PCSK5: variants seen among roughly 807,000 people sequenced by gnomAD.
PCSK5 encodes proprotein convertase subtilisin/kexin type 5, also known as prohormone convertase 5.
Under a neutral mutation model 233.2 loss-of-function variants are expected in PCSK5, and 129 were observed. The observed-to-expected ratio is 0.55, with a 90% CI of 0.48 to 0.64. The LOEUF (loss-of-function observed/expected upper bound fraction) is 0.64, where lower values mean the gene tolerates loss of function less well. Among genes scored for constraint, PCSK5 ranks in the 30% least tolerant of loss-of-function variants. The pLI is 0.00. For missense variants in PCSK5, 2,076 were observed against 2,430.1 expected (o/e 0.85, Z 3.06); for synonymous variants, 825 against 879.2 (o/e 0.94, Z 1.09).
At chr9:76,301,525 C>A (rs1006484165) in intron 27 of PCSK5, among the ~76,000 whole-genome samples, 1 of 152,136 alleles carries the variant, frequency 6.6e-6, no homozygotes, top group African/African-American at 2.4e-5. Flanking sequence ...ACCATCCATA[C>A]AAATAAATAT....
chr9:76,179,787 C>A, intron 15 of PCSK5, 89 bp downstream of exon 15: 1 of 853,732 alleles, frequency 1.2e-6, no homozygotes. Context: ...TGTGTGCAGG[C>A]CACTGGCATC....
chr9:76,333,886 A>G (rs1690912543), intron 34 of PCSK5, among the ~76,000 whole-genome samples: 1 of 152,200 alleles, frequency 6.6e-6, no homozygotes, highest in African/African-American at 2.4e-5. Flanking sequence ...CATGATGAGT[A>G]CTTTGTATGT....
At position 76,077,637 on chromosome 9, in the gene PCSK5, A is replaced by G. The variant is rs142207790; in HGVS notation, c.894+5739A>G. Among the ~76,000 whole-genome samples, 5 of 152,230 alleles carry G rather than the reference A, an allele frequency of 3.3e-5. No individual in the cohort carries two copies. In the East Asian group the frequency reaches 9.7e-4, roughly 29 times the overall value. On this transcript the variant is annotated intron_variant, in intron 7 of 37. Transcript: ENST00000674117. ...AGTACCTAATGTTTAGCTCCCACTT[A>G]TAAGTGAGAGCATGCAGTATTTGAT...
intron 14 of PCSK5, among the ~76,000 whole-genome samples, chr9:76,178,873 A>AT (rs902109842): frequency 1.3e-4 from 20 of 151,548 alleles, no homozygotes; most frequent in South Asian, 8.4e-4. Context: ...TCTTTCTGGC[A>AT]TTTTTTTTTC....
chr9:76,294,240 T>G (rs1020583258), intron 25 of PCSK5, among the ~76,000 whole-genome samples: 23 of 151,776 alleles, frequency 1.5e-4, no homozygotes, highest in Non-Finnish European at 4.4e-5. Flanking sequence ...TGCAAAGGTT[T>G]CCCCTGATAT....
intron 11 of PCSK5, among the ~76,000 whole-genome samples, chr9:76,158,293 C>T (rs12236697): frequency 0.24 from 36,542 of 152,048 alleles, 4,634 homozygotes; most frequent in Admixed American, 0.33. Context: ...AAGCTTTGAC[C>T]TTGAAGGAAG....
chr9:76,189,838 C>A, intron 20 of PCSK5, 92 bp downstream of exon 20: 1 of 676,662 alleles, frequency 1.5e-6, no homozygotes, highest in Non-Finnish European at 2.6e-6. Flanking sequence ...AAGAAACTCA[C>A]AGCATGCATC....
Position 76,311,789 on chromosome 9 carries a change from C to T in PCSK5, c.3884+938C>T, listed in dbSNP as rs10119312. On this transcript the variant is annotated intron_variant, in intron 30 of 37. Transcript: ENST00000674117. ...ATCACAAAGTCTGGTTTTTCTGTTTCGCTCTTGTACCTTCCTTAGCTCATC... is the reference window on the plus strand; with the variant it reads ...ATCACAAAGTCTGGTTTTTCTGTTTTGCTCTTGTACCTTCCTTAGCTCATC... 5.9e-3 allele frequency among the ~76,000 whole-genome samples: 897 copies of T among 152,298 alleles called. 12 individuals are homozygous for T. The highest frequency in any genetic ancestry group is 0.02 in the African/African-American group (842 of 41,552).
intron 20 of PCSK5, among the ~76,000 whole-genome samples, chr9:76,214,196 C>A (rs1825434739): frequency 6.6e-6 from 1 of 152,014 alleles, no homozygotes; most frequent in Non-Finnish European, 1.5e-5. Flanking sequence ...TTCCAACACT[C>A]CACGCCCCAT....
intron 3 of PCSK5, among the ~76,000 whole-genome samples, chr9:75,999,160 A>G (rs1827156568): frequency 6.6e-6 from 1 of 152,118 alleles, no homozygotes; most frequent in African/African-American, 2.4e-5. Flanking sequence ...TGCTGCACCC[A>G]TCAACCCATC....
intron 24 of PCSK5, among the ~76,000 whole-genome samples, chr9:76,272,601 C>T (rs1057423392): frequency 4.0e-5 from 6 of 151,474 alleles, no homozygotes; most frequent in Non-Finnish European, 7.4e-5. Context: ...AGTGAAACCC[C>T]CATCTCTACT....
intron 5 of PCSK5, among the ~76,000 whole-genome samples, chr9:76,045,648 T>C (rs1190667535): frequency 6.6e-6 from 1 of 152,240 alleles, no homozygotes; most frequent in Non-Finnish European, 1.5e-5. Flanking sequence ...ACAATGTCTC[T>C]TGACTAATCA....
At chr9:76,351,447 GGAAAGAAAGAAAGAAA>G (rs771387185) in intron 36 of PCSK5, among the ~76,000 whole-genome samples, 797 of 27,410 alleles carry the variant, frequency 0.029, 27 homozygotes, top group Middle Eastern at 0.057. Flanking sequence ...GTGAAAGAAA[GGAAAGAAAGAAAGAAA>G]GAAAGAAAGA....
chr9:75,931,020 A>C (rs987303118), intron 1 of PCSK5, among the ~76,000 whole-genome samples: 1 of 152,176 alleles, frequency 6.6e-6, no homozygotes, highest in African/African-American at 2.4e-5. Context: ...TTCAGAGTGC[A>C]GGATTTCATC....
chr9:76,295,209 T>A, intron 25 of PCSK5, 66 bp from the exon 26 acceptor site: 2 of 1,422,030 alleles, frequency 1.4e-6, no homozygotes, highest in Non-Finnish European at 1.9e-6. Context: ...CATAAGGAGA[T>A]TAAATTATGG....
chr9:76,174,368 G>A (rs936561096), intron 13 of PCSK5, among the ~76,000 whole-genome samples: 15 of 151,418 alleles, frequency 9.9e-5, no homozygotes, highest in East Asian at 1.9e-4. Flanking sequence ...GTGCAGTGGC[G>A]TGATCTCCGC....
intron 3 of PCSK5, among the ~76,000 whole-genome samples, chr9:76,003,839 C>T (rs1344439676): frequency 6.6e-6 from 1 of 151,952 alleles, no homozygotes; most frequent in Non-Finnish European, 1.5e-5. Flanking sequence ...GACAAGGTCT[C>T]ACTCTGTCAC....
At chr9:76,350,145 G>A (rs534265870) in intron 35 of PCSK5, among the ~76,000 whole-genome samples, 97 of 151,658 alleles carry the variant, frequency 6.4e-4, no homozygotes, top group African/African-American at 2.0e-3. Context: ...ACAGATCAAC[G>A]GATTATGAGT....
intron 1 of PCSK5, among the ~76,000 whole-genome samples, chr9:75,919,663 TACA>T (rs1304443735): frequency 6.6e-6 from 1 of 152,216 alleles, no homozygotes; most frequent in African/African-American, 2.4e-5. Context: ...CTTTAATTAA[TACA>T]ACAAGCCAAT....
Sources: allele counts gnomAD v4.1 joint callset (sites outside exome capture counted in the v4.1 genomes callset), GRCh38; gene constraint gnomAD v4.1.1; transcripts MANE v1.5; gene names NCBI Gene and HGNC (gene_info 2026-07-23, HGNC 2026-07-21).